The following UNC80 variants were observed in gnomAD, a reference collection of about 807,000 sequenced individuals.
UNC80 encodes the protein unc-80 subunit of NALCN channel complex, also known as protein unc-80 homolog.
A neutral mutation model predicts 384.6 loss-of-function variants in UNC80; 164 were observed. The ratio of observed to expected loss-of-function variants is 0.43; its 90% CI spans 0.38 to 0.49. UNC80 has a LOEUF of 0.49. UNC80 is among the 20% of genes least tolerant of loss of function. UNC80 has a pLI of 0.00. For missense variants in UNC80, 3,330 were observed against 4,143.0 expected, an observed-to-expected ratio of 0.80 and a Z score of 5.39; for synonymous variants, 1,486 against 1,527.8, an observed-to-expected ratio of 0.97 and a Z score of 0.64.
intron 26 of UNC80, among the ~76,000 whole-genome samples, chr2:209,889,187 G>A (rs1460587068): frequency 6.6e-6 from 1 of 152,138 alleles, no homozygotes; most frequent in African/African-American, 2.4e-5. Flanking sequence ...TACTTTATGA[G>A]TCTTCAAGTA....
intron 52 of UNC80, chr2:209,969,565 C>A: frequency 1.7e-6 from 1 of 585,092 alleles, no homozygotes; most frequent in Non-Finnish European, 2.9e-6. Context: ...TAGATTTAGT[C>A]GAGTGGGGCA....
chr2:209,890,828 A>G (rs2086260898), intron 26 of UNC80, among the ~76,000 whole-genome samples: 1 of 152,212 alleles, frequency 6.6e-6, no homozygotes, highest in Non-Finnish European at 1.5e-5. Context: ...AATATACATA[A>G]TAAGCATCTA....
At chr2:209,790,061 C>T (rs543063934) in intron 6 of UNC80, among the ~76,000 whole-genome samples, 33 of 152,050 alleles carry the variant, frequency 2.2e-4, no homozygotes, top group African/African-American at 7.7e-4. Context: ...AGTCCTACCC[C>T]TTAAGGAATC....
chr2:209,819,387 C>A lies in UNC80; in HGVS notation c.1962+126C>A, dbSNP rs1321139883. 3.1e-6 allele frequency: 3 copies of A among 975,400 alleles called. No homozygotes were observed. The African/African-American group carries it at 5.1e-5, about 17-fold the overall frequency. The allele number at this position is 975,400 out of a possible 1,614,324, so 60.4% of individuals were successfully genotyped here. A position where few individuals can be genotyped will look rare whatever the true frequency, so the allele number is the denominator to read the frequency against. On this transcript the variant is annotated intron_variant, in intron 12 of 64. Transcript: ENST00000673920. ...ATCAAACCTTGAAATGAAAAAGCCA[C>A]CCACTGAAAAAAATTCACCAATGTT...
chr2:209,987,245 C>T (rs566196561), intron 61 of UNC80, among the ~76,000 whole-genome samples: 5 of 152,140 alleles, frequency 3.3e-5, no homozygotes, highest in African/African-American at 1.2e-4. Flanking sequence ...ACCAAGATAA[C>T]CTGATGAATA....
chr2:209,897,320 G>T (rs1010277709), intron 28 of UNC80, among the ~76,000 whole-genome samples: 1 of 152,260 alleles, frequency 6.6e-6, no homozygotes. Context: ...GAAATCCTAC[G>T]CAGGTCCTCT....
intron 47 of UNC80, among the ~76,000 whole-genome samples, chr2:209,952,010 C>G (rs2124991612): frequency 6.6e-6 from 1 of 152,236 alleles, no homozygotes; most frequent in East Asian, 1.9e-4. Flanking sequence ...TTTCTAATTT[C>G]AAATATTTTA....
At chr2:209,788,801 T>G (rs1474975328) in intron 5 of UNC80, among the ~76,000 whole-genome samples, 1 of 151,936 alleles carries the variant, frequency 6.6e-6, no homozygotes, top group East Asian at 1.9e-4. Context: ...AATTTATTAT[T>G]AAAGAATAAA....
chr2:209,925,173 T>C (rs1220859024), intron 35 of UNC80, among the ~76,000 whole-genome samples: 1 of 152,040 alleles, frequency 6.6e-6, no homozygotes, highest in African/African-American at 2.4e-5. Context: ...CCGAAAAAAG[T>C]GTATTTCACA....
chr2:209,777,605 T>C (rs748781898), intron 4 of UNC80, 46 bp downstream of exon 4: 39 of 1,549,810 alleles, frequency 2.5e-5, no homozygotes, highest in Admixed American at 7.5e-5. Context: ...GGAGATGTGG[T>C]GAGGGTAGAC....
intron 29 of UNC80, 123 bp from the exon 30 acceptor site, chr2:209,912,437 A>G (rs2089052211): frequency 2.0e-6 from 1 of 507,062 alleles, no homozygotes; most frequent in African/African-American, 2.0e-5. Context: ...GTGGACCCAC[A>G]AAAAGGCCTT....
At chr2:209,775,568 G>A (rs2076818400) in intron 2 of UNC80, among the ~76,000 whole-genome samples, 1 of 152,108 alleles carries the variant, frequency 6.6e-6, no homozygotes, top group Non-Finnish European at 1.5e-5. Context: ...AATCTCATGA[G>A]GTTAAATGTT....
intron 7 of UNC80, among the ~76,000 whole-genome samples, chr2:209,810,877 A>G (rs971019257): frequency 6.6e-6 from 1 of 152,058 alleles, no homozygotes; most frequent in Non-Finnish European, 1.5e-5. Flanking sequence ...ACCTAAAATT[A>G]CCCAGCTGGT....
At chr2:209,866,817 C>T (rs144204783) in intron 22 of UNC80, among the ~76,000 whole-genome samples, 196 of 152,280 alleles carry the variant, frequency 1.3e-3, no homozygotes, top group African/African-American at 4.4e-3. Context: ...TGATACACTA[C>T]GATTCCAATC....
chr2:209,873,120 C>T, intron 23 of UNC80, 150 bp downstream of exon 23: 1 of 685,208 alleles, frequency 1.5e-6, no homozygotes, highest in Non-Finnish European at 2.4e-6. Context: ...AAATAAGCAA[C>T]TCATTTAATC....
At chr2:209,792,124 C>A (rs2077847216) in intron 6 of UNC80, among the ~76,000 whole-genome samples, 1 of 152,026 alleles carries the variant, frequency 6.6e-6, no homozygotes, top group South Asian at 2.1e-4. Flanking sequence ...GGCAATATGG[C>A]AAAACTCTGC....
chr2:209,815,943 T>C (rs2079705042), intron 9 of UNC80, among the ~76,000 whole-genome samples: 1 of 152,214 alleles, frequency 6.6e-6, no homozygotes, highest in South Asian at 2.1e-4. Context: ...GAAAATAATA[T>C]GTGTAGACCT....
chr2:209,959,622 G>A lies in UNC80; in HGVS notation c.7720G>A (p.Gly2574Arg). The change falls in exon 51 of 65, where the codon GGG becomes AGG. Residue 2574 changes from glycine to arginine, a missense_variant. Gly to Arg is a moderately radical substitution (Grantham distance 125, BLOSUM62 -2). This residue lies in a region of UNC80 where 1,049 missense variants were observed against 1,488.6 expected (regional missense o/e 0.70). Transcript: ENST00000673920. ...TTGCACTGAGTTCTATAAGCACTGTGGGCCACGGCTGAAGATCTTGCAAAA... is the reference window on the plus strand; with the variant it reads ...TTGCACTGAGTTCTATAAGCACTGTAGGCCACGGCTGAAGATCTTGCAAAA... ...NICTEFYKHCGPRLKILQNLA... is the reference protein window; with the variant it reads ...NICTEFYKHCRPRLKILQNLA... 1 of 1,551,700 alleles carries A rather than the reference G, an allele frequency of 6.4e-7. No homozygotes were observed. Among genetic ancestry groups the A allele is most frequent in the South Asian group, 1.2e-5 (1 of 84,062 alleles).
intron 42 of UNC80, among the ~76,000 whole-genome samples, chr2:209,939,079 G>C (rs1037961627): frequency 3.9e-5 from 6 of 152,080 alleles, no homozygotes; most frequent in Non-Finnish European, 7.4e-5. Flanking sequence ...GAACTCCCAG[G>C]AAACAGCTTC....
Sources: allele counts gnomAD v4.1 joint callset (sites outside exome capture counted in the v4.1 genomes callset), GRCh38; gene constraint gnomAD v4.1.1; regional missense constraint gnomAD v4.1.1; transcripts MANE v1.5; gene names NCBI Gene and HGNC (gene_info 2026-07-23, HGNC 2026-07-21).